The following SGK1 variants were observed in gnomAD, a reference collection of about 807,000 sequenced individuals.
SGK1 encodes the protein serine/threonine-protein kinase Sgk1.
SGK1 carries 26 observed loss-of-function variants against 64.2 expected under a neutral mutation model. The observed-to-expected ratio is 0.40, with a 90% CI of 0.30 to 0.56. SGK1 has a LOEUF of 0.56. Among genes scored for constraint, SGK1 ranks in the 20% least tolerant of loss-of-function variants. The pLI, the probability that SGK1 is intolerant of heterozygous loss-of-function variation, is 0.38. For missense variants in SGK1, 519 were observed against 645.6 expected (o/e 0.80, Z 2.12); for synonymous variants, 265 against 239.7 (o/e 1.11, Z -0.98).
chr6:134,279,538 T>C (rs1777064039), intron 1 of SGK1, among the ~76,000 whole-genome samples: 1 of 152,204 alleles, frequency 6.6e-6, no homozygotes, highest in African/African-American at 2.4e-5. Flanking sequence ...ACAGATATGC[T>C]GTATTCTTTT....
At chr6:134,229,082 T>C (rs575493094) in intron 2 of SGK1, among the ~76,000 whole-genome samples, 4 of 152,294 alleles carry the variant, frequency 2.6e-5, no homozygotes, top group South Asian at 2.1e-4. Flanking sequence ...CCGCCCGCCT[T>C]GGCCTCCCAA....
At chr6:134,174,891 A>C in intron 3 of SGK1, 1 of 1,589,912 alleles carries the variant, frequency 6.3e-7, no homozygotes. Context: ...TCGGCCTTAT[A>C]AAAAAGGCAC....
At chr6:134,298,561 A>G (rs553373788) in intron 1 of SGK1, 78 of 843,624 alleles carry the variant, frequency 9.2e-5, no homozygotes, top group African/African-American at 6.3e-4. Context: ...CTACCCTGGA[A>G]GCTGCTGCTG....
chr6:134,225,755 T>G (rs116041063), intron 2 of SGK1, among the ~76,000 whole-genome samples: 11,821 of 151,594 alleles, frequency 0.078, 523 homozygotes, highest in African/African-American at 0.087. Flanking sequence ...ATTCCTGCTT[T>G]CCAGGAGTAA....
At chr6:134,313,903 T>C (rs1470437039) in intron 1 of SGK1, among the ~76,000 whole-genome samples, 3 of 152,156 alleles carry the variant, frequency 2.0e-5, no homozygotes, top group Non-Finnish European at 2.9e-5. Context: ...TCCATGAAAA[T>C]GGATTACCTT....
At chr6:134,218,939 C>T (rs908810269) in intron 2 of SGK1, among the ~76,000 whole-genome samples, 3 of 152,068 alleles carry the variant, frequency 2.0e-5, no homozygotes, top group Non-Finnish European at 4.4e-5. Flanking sequence ...ATTTAGGTTA[C>T]AATGGAACAC....
At chr6:134,281,254 A>T (rs933360463) in intron 1 of SGK1, among the ~76,000 whole-genome samples, 1 of 152,148 alleles carries the variant, frequency 6.6e-6, no homozygotes, top group African/African-American at 2.4e-5. Context: ...TAGTACTGTT[A>T]GAAGATCTGA....
intron 2 of SGK1, among the ~76,000 whole-genome samples, chr6:134,251,714 C>A (rs368339389): frequency 6.6e-6 from 1 of 152,068 alleles, no homozygotes; most frequent in East Asian, 1.9e-4. Flanking sequence ...AAGTCCTGAC[C>A]CTGAAACTTA....
rs1214306328 is a variant in SGK1, at chr6:134,169,585, A to G, written c.*683T>C. 1.3e-5 allele frequency: 2 copies of G among 152,658 alleles called. No individual in the cohort carries two copies. Among genetic ancestry groups the G allele is most frequent in the African/African-American group, 4.8e-5 (2 of 41,454 alleles). 9.5% of individuals were successfully genotyped at this position (152,658 alleles called of 1,614,324 possible). A position where few individuals can be genotyped will look rare whatever the true frequency, so the allele number is the denominator to read the frequency against. The stretch of plus-strand genomic sequence containing the variant: ...GCATTGGTCCATAAAAACCCTTTCT[A>G]AAAATAGAAATATTTGTAGCAGCAA... On this transcript the variant is annotated 3_prime_UTR_variant, in exon 14 of 14. Transcript: ENST00000367858.
intron 1 of SGK1, among the ~76,000 whole-genome samples, chr6:134,273,025 T>C (rs1776964198): frequency 6.7e-6 from 1 of 148,274 alleles, no homozygotes; most frequent in Non-Finnish European, 1.5e-5. Flanking sequence ...GGCTGATACA[T>C]GAGACTGCGG....
intron 3 of SGK1, among the ~76,000 whole-genome samples, chr6:134,185,457 C>G (rs545354690): frequency 1.3e-5 from 2 of 152,182 alleles, no homozygotes; most frequent in Admixed American, 6.5e-5. Context: ...GAATGGCCAT[C>G]AGGTTGTCAG....
intron 1 of SGK1, among the ~76,000 whole-genome samples, chr6:134,301,755 A>AT (rs891066755): frequency 5.3e-5 from 8 of 151,578 alleles, no homozygotes; most frequent in South Asian, 2.1e-4. Context: ...CAGCCTGGCT[A>AT]TTTTTTTTAT....
intron 1 of SGK1, among the ~76,000 whole-genome samples, chr6:134,291,004 A>T (rs1337862712): frequency 2.0e-5 from 3 of 152,188 alleles, no homozygotes; most frequent in Non-Finnish European, 4.4e-5. Flanking sequence ...GAAGGCAGGA[A>T]AGGTTGCTTG....
chr6:134,288,723 A>G (rs548361719), intron 1 of SGK1, among the ~76,000 whole-genome samples: 1 of 150,994 alleles, frequency 6.6e-6, no homozygotes, highest in African/African-American at 2.4e-5. Flanking sequence ...TTTTTTTTCC[A>G]TCTCAGAAAT....
At chr6:134,252,387 A>G (rs1172700465) in intron 2 of SGK1, among the ~76,000 whole-genome samples, 1 of 152,316 alleles carries the variant, frequency 6.6e-6, no homozygotes, top group South Asian at 2.1e-4. Context: ...GCCAGTTATA[A>G]TCGAACTCTT....
rs538228646 is a variant in SGK1 at position 134,261,595 on chromosome 6, TA to T, written c.285+337del. Reference sequence around the variant, plus strand: ...GTTATTATACATTAGTCCAAACCCATAGAATGTATAACACCAAGAGTGAACT... The same window carrying T: ...GTTATTATACATTAGTCCAAACCCATGAATGTATAACACCAAGAGTGAACT... On this transcript the variant is annotated intron_variant, in intron 2 of 13. Transcript: ENST00000367858. The T allele has an allele frequency of 1.0e-3, 560 of 548,762 alleles. 2 individuals are homozygous for T. Among genetic ancestry groups the T allele is most frequent in the African/African-American group, 9.2e-3 (493 of 53,362 alleles). 34.0% of individuals were successfully genotyped at this position (548,762 alleles called of 1,614,324 possible). A position where few individuals can be genotyped will look rare whatever the true frequency, so the allele number is the denominator to read the frequency against.
intron 1 of SGK1, among the ~76,000 whole-genome samples, chr6:134,270,846 C>T (rs1378322684): frequency 1.4e-5 from 2 of 148,122 alleles, no homozygotes; most frequent in African/African-American, 4.9e-5. Flanking sequence ...CTTGCCTGTT[C>T]TTCTAGCTCA....
chr6:134,309,526 G>C (rs374081642), intron 1 of SGK1, among the ~76,000 whole-genome samples: 1 of 152,324 alleles, frequency 6.6e-6, no homozygotes, highest in African/African-American at 2.4e-5. Flanking sequence ...CACTGCTGCT[G>C]TCCTCATTTC....
chr6:134,171,335 T>TAC (rs1375830842), intron 11 of SGK1, 157 bp from the exon 12 acceptor site: 1 of 730,306 alleles, frequency 1.4e-6, no homozygotes, highest in African/African-American at 1.8e-5. Flanking sequence ...TTTAAGTGTC[T>TAC]ACTTTGCAAC....
Sources: allele counts gnomAD v4.1 joint callset (sites outside exome capture counted in the v4.1 genomes callset), GRCh38; gene constraint gnomAD v4.1.1; transcripts MANE v1.5; gene names NCBI Gene and HGNC (gene_info 2026-07-23, HGNC 2026-07-21).